SLC25A33: variants seen among roughly 807,000 people sequenced by gnomAD.
The protein encoded by SLC25A33 is bone marrow stromal cell mitochondrial carrier protein.
Under a neutral mutation model 35.5 loss-of-function variants are expected in SLC25A33, and 15 were observed. The observed-to-expected ratio is 0.42, with a 90% CI of 0.28 to 0.65. The LOEUF is 0.65. SLC25A33 is among the 30% of genes least tolerant of loss of function. SLC25A33 has a pLI of 0.20. For missense variants in SLC25A33, 257 were observed against 398.5 expected, an observed-to-expected ratio of 0.64 and a Z score of 3.02; for synonymous variants, 136 against 148.7, an observed-to-expected ratio of 0.91 and a Z score of 0.62.
rs146462783 is a variant in SLC25A33 at position 9,579,895 on chromosome 1, T to C, written c.483-59T>C. On this transcript the variant is annotated intron_variant, in intron 5 of 6. Coordinates refer to ENST00000302692, the MANE Select transcript of SLC25A33 (RefSeq NM_032315.3). ...CCGTACCTGTTCTCCTACTGTGTGA[T>C]GTCTGTGTTCCACCATGATATGTCT... 1.9e-5 allele frequency: 29 copies of C among 1,554,304 alleles called. 1 individual carries two copies. In the Middle Eastern group the frequency reaches 5.2e-4, roughly 28 times the overall value.
Position 9,573,329 on chromosome 1 carries a change from G to GTT in SLC25A33, c.416-6_416-5dup, listed in dbSNP as rs745917153. ...ACTATGTACAGTGTTGACCTTTACTGTTTTTTTTTTTTCCAGCTTTTATCA... is the reference window on the plus strand; with the variant it reads ...ACTATGTACAGTGTTGACCTTTACTGTTTTTTTTTTTTTTCCAGCTTTTATCA... On this transcript the variant is annotated splice_polypyrimidine_tract_variant and intron_variant, in intron 4 of 6. Transcript: ENST00000302692. 552 of 1,221,576 alleles carry GTT rather than the reference G, an allele frequency of 4.5e-4. No individual in the cohort carries two copies. Among genetic ancestry groups the GTT allele is most frequent in the South Asian group, 5.7e-4 (40 of 69,978 alleles). The allele number at this position is 1,221,576 out of a possible 1,614,324, so 75.7% of individuals were successfully genotyped here.
At chr1:9,543,942 T>C (rs905075462) in intron 1 of SLC25A33, among the ~76,000 whole-genome samples, 3 of 151,950 alleles carry the variant, frequency 2.0e-5, no homozygotes, top group Non-Finnish European at 4.4e-5. Context: ...CCATCTCTAC[T>C]GAAAATACAA....
intron 1 of SLC25A33, among the ~76,000 whole-genome samples, chr1:9,543,959 GC>G (rs1389090454): frequency 1.3e-5 from 2 of 152,004 alleles, no homozygotes; most frequent in Admixed American, 1.3e-4. Context: ...ACAAAAATTA[GC>G]TGGGCATGGT....
intron 2 of SLC25A33, among the ~76,000 whole-genome samples, chr1:9,554,992 GTA>G (rs1254660704): frequency 1.3e-4 from 19 of 151,772 alleles, no homozygotes. Context: ...TTGGGCAAGA[GTA>G]TGTTCAAGAA....
rs1643297811 is a variant in SLC25A33 at position 9,553,488 on chromosome 1, C to T, written c.57-138C>T. 12 of 809,316 alleles carry T rather than the reference C, an allele frequency of 1.5e-5. No individual in the cohort carries two copies. The South Asian group carries it at 2.0e-4, about 13-fold the overall frequency. The allele number at this position is 809,316 out of a possible 1,614,324, so 50.1% of individuals were successfully genotyped here. A position where few individuals can be genotyped will look rare whatever the true frequency, so the allele number is the denominator to read the frequency against. On this transcript the variant is annotated intron_variant, in intron 1 of 6. Coordinates refer to ENST00000302692, the MANE Select transcript of SLC25A33 (RefSeq NM_032315.3). ...GACCTCGTGATCCACCCACCTCAGC[C>T]TCCCAAAGTGCTGGGATTACAGGCG...
At chr1:9,575,752 T>A (rs992146552) in intron 5 of SLC25A33, among the ~76,000 whole-genome samples, 2 of 152,216 alleles carry the variant, frequency 1.3e-5, no homozygotes, top group African/African-American at 4.8e-5. Context: ...GCCCAATCAA[T>A]CTATTCTGCC....
intron 5 of SLC25A33, among the ~76,000 whole-genome samples, chr1:9,574,941 C>T (rs897733246): frequency 1.9e-4 from 29 of 152,082 alleles, no homozygotes; most frequent in African/African-American, 6.0e-4. Context: ...AGGCCGGGTG[C>T]GGTGGCTCAC....
intron 1 of SLC25A33, 60 bp from the exon 2 acceptor site, chr1:9,553,566 A>G: frequency 2.5e-6 from 4 of 1,573,690 alleles, no homozygotes; most frequent in Non-Finnish European, 3.5e-6. Flanking sequence ...AGCTAAGCTT[A>G]GCATTCCATT....
At chr1:9,550,799 AG>A (rs1643256091) in intron 1 of SLC25A33, among the ~76,000 whole-genome samples, 1 of 151,734 alleles carries the variant, frequency 6.6e-6, no homozygotes, top group Non-Finnish European at 1.5e-5. Flanking sequence ...CAGCCTCTCG[AG>A]TATCGGGACT....
At chr1:9,580,453 GT>G (rs1423055277) in intron 6 of SLC25A33, among the ~76,000 whole-genome samples, 2 of 152,246 alleles carry the variant, frequency 1.3e-5, no homozygotes, top group African/African-American at 2.4e-5. Context: ...AAAACTTGTT[GT>G]GCAGAAACGC....
intron 4 of SLC25A33, among the ~76,000 whole-genome samples, chr1:9,570,730 CAG>C (rs1230810488): frequency 2.8e-5 from 3 of 108,152 alleles, no homozygotes; most frequent in Admixed American, 1.3e-4. Flanking sequence ...TTTTTTGAGA[CAG>C]AGTCTCACTC....
chr1:9,540,331 A>C (rs967282026), intron 1 of SLC25A33, among the ~76,000 whole-genome samples: 4 of 152,210 alleles, frequency 2.6e-5, no homozygotes, highest in African/African-American at 9.6e-5. Flanking sequence ...GAGGTCTGGA[A>C]GGTGTGTTGA....
chr1:9,582,267 G>A lies in SLC25A33; in HGVS notation c.764-32G>A. Reference sequence around the variant, plus strand: ...TGTGGATTCGTTCCCCATTTAATATGTGGCGTAAAGTAGGTCTTTCTCTCT... The same window carrying A: ...TGTGGATTCGTTCCCCATTTAATATATGGCGTAAAGTAGGTCTTTCTCTCT... On this transcript the variant is annotated intron_variant, in intron 6 of 6. Coordinates refer to ENST00000302692, the MANE Select transcript of SLC25A33 (RefSeq NM_032315.3). This position sits in a 1 kb window ranked among gnomAD's most constrained non-coding sequence, Gnocchi z 4.0. 6.2e-7 allele frequency: 1 copy of A among 1,608,726 alleles called. No homozygotes were observed. Among genetic ancestry groups the A allele is most frequent in the Admixed American group, 1.7e-5 (1 of 59,972 alleles).
intron 3 of SLC25A33, among the ~76,000 whole-genome samples, chr1:9,568,723 C>A (rs1483581662): frequency 1.3e-5 from 2 of 151,988 alleles, no homozygotes; most frequent in African/African-American, 4.8e-5. Flanking sequence ...TGATGGCTGG[C>A]ACCTGTAGTC....
chr1:9,565,746 C>T (rs1409440414), intron 2 of SLC25A33, among the ~76,000 whole-genome samples: 53 of 136,998 alleles, frequency 3.9e-4, no homozygotes, highest in East Asian at 2.1e-3. Flanking sequence ...GGCGTGGTGG[C>T]GGGTGCCTGT....
At chr1:9,556,314 T>C (rs1643340973) in intron 2 of SLC25A33, 1 of 915,894 alleles carries the variant, frequency 1.1e-6, no homozygotes, top group African/African-American at 1.8e-5. Flanking sequence ...TAATCATGAC[T>C]AGTGAATTTG....
intron 1 of SLC25A33, among the ~76,000 whole-genome samples, 194 bp downstream of exon 1, chr1:9,539,941 C>T (rs1000320329): frequency 1.3e-5 from 2 of 152,128 alleles, no homozygotes; most frequent in Non-Finnish European, 2.9e-5. Flanking sequence ...TTCCTCACCC[C>T]TACGTCCTGA....
At chr1:9,546,984 G>A (rs917231787) in intron 1 of SLC25A33, among the ~76,000 whole-genome samples, 2 of 152,188 alleles carry the variant, frequency 1.3e-5, no homozygotes, top group Admixed American at 6.5e-5. Flanking sequence ...ACTAGGACAC[G>A]TACCCCTTGC....
At position 9,558,944 on chromosome 1, in the gene SLC25A33, G is replaced by A. The variant is rs183124589; in HGVS notation, c.236+5139G>A. 5.7e-4 allele frequency among the ~76,000 whole-genome samples: 87 copies of A among 152,226 alleles called. 1 individual carries two copies. Among genetic ancestry groups the A allele is most frequent in the African/African-American group, 1.9e-3 (81 of 41,552 alleles). ...CCCTGTGGCCTACTAGGTTCTACAC[G>A]ATTCTCACCCTTCCCATTACTTCTG... On this transcript the variant is annotated intron_variant, in intron 2 of 6. Transcript: ENST00000302692.
Sources: gnomAD v4.1 joint callset for allele counts (sites outside exome capture counted in the v4.1 genomes callset) on GRCh38, gnomAD v4.1.1 for gene constraint, Gnocchi (gnomAD v3.1) non-coding constraint, MANE v1.5 for transcripts, NCBI Gene and HGNC (gene_info 2026-07-23, HGNC 2026-07-21) for gene names.